Variants in AHNAK observed in about 807,000 individuals in gnomAD.
AHNAK encodes the protein AHNAK nucleoprotein.
AHNAK carries 23 observed loss-of-function variants against 37.8 expected under a neutral mutation model. That is an observed-to-expected ratio of 0.61 (90% CI 0.44 to 0.86). The LOEUF is 0.86. AHNAK is among the 40% of genes least tolerant of loss of function. The probability of loss-of-function intolerance (pLI) is 0.00; values close to 1 mark genes in which losing one functional copy is unlikely to be tolerated. For missense variants in AHNAK, 7,411 were observed against 7,319.4 expected, an observed-to-expected ratio of 1.01 and a Z score of -0.46; for synonymous variants, 2,481 against 2,636.3, an observed-to-expected ratio of 0.94 and a Z score of 1.80.
rs12787585 is a variant in AHNAK at position 62,517,938 on chromosome 11, C to T, written c.16479G>A (p.Gln5493=). The T allele has an allele frequency of 2.5e-6, 4 of 1,614,230 alleles. No homozygotes were observed. The highest frequency in any genetic ancestry group is 1.7e-5 in the Admixed American group (1 of 60,026). The change falls in exon 5 of 5, where the codon CAG becomes CAA. Residue 5493 remains glutamine, a synonymous_variant. Transcript: ENST00000378024. ...ATCCAGAGGACTTAATTCCAGGCAT[C>T]TGGAGGTTTCCTTCTAGGCCTTGAA... ...IGVQGLEGNL[Q]MPGIKSSGCD...
intron 4 of AHNAK, among the ~76,000 whole-genome samples, chr11:62,500,705 C>G (rs1435519506): frequency 6.6e-6 from 1 of 152,182 alleles, no homozygotes; most frequent in Non-Finnish European, 1.5e-5. Flanking sequence ...AGTGAACAAA[C>G]TGGGAGATTT....
rs1940022919 is a variant in AHNAK at position 62,516,532 on chromosome 11, G to C, written c.*212C>G. ...GCAAATACTGTTGACTTTGCACATGGGCTGGACGAACTTGGAACTCTTTAC... is the reference window on the plus strand; with the variant it reads ...GCAAATACTGTTGACTTTGCACATGCGCTGGACGAACTTGGAACTCTTTAC... On this transcript the variant is annotated 3_prime_UTR_variant, in exon 5 of 5. Transcript: ENST00000378024. The C allele has an allele frequency of 2.1e-6, 3 of 1,412,910 alleles. No individual in the cohort carries two copies. The highest frequency in any genetic ancestry group is 2.8e-6 in the Non-Finnish European group (3 of 1,089,512). The allele number at this position is 1,412,910 out of a possible 1,614,324, so 87.5% of individuals were successfully genotyped here.
At chr11:62,443,092 C>T (rs1287017548) in intron 5 of AHNAK, among the ~76,000 whole-genome samples, 1 of 151,248 alleles carries the variant, frequency 6.6e-6, no homozygotes, top group African/African-American at 2.4e-5. Flanking sequence ...CTGCCTCAGC[C>T]TCCCAAGTAG....
chr11:62,530,000 C>CTGT lies in AHNAK; in HGVS notation c.4414_4416dup (p.Thr1472dup). The CTGT allele has an allele frequency of 6.2e-7, 1 of 1,613,982 alleles. No homozygotes were observed. Among genetic ancestry groups the CTGT allele is most frequent in the Non-Finnish European group, 8.5e-7 (1 of 1,179,998 alleles). Reference sequence around the variant, plus strand: ...TTTATCTCTCCTTCTACTTTTGGAACTGTTACATCATAATCTCCTTTCATT... The same window carrying CTGT: ...TTTATCTCTCCTTCTACTTTTGGAACTGTTGTTACATCATAATCTCCTTTCATT... On this transcript the variant is annotated inframe_insertion, in exon 5 of 5. Coordinates refer to ENST00000378024, the MANE Select transcript of AHNAK (RefSeq NM_001620.3).
chr11:62,531,173 T>C lies in AHNAK; in HGVS notation c.3244A>G (p.Lys1082Glu), dbSNP rs1940731046. ...VDLDLKGPKMKGNVDISAPKI... is the reference protein window; with the variant it reads ...VDLDLKGPKMEGNVDISAPKI... ...GGTGCAGAGATATCTACATTTCCTTTCATTTTGGGTCCTTTAAGATCCAGG... is the reference window on the plus strand; with the variant it reads ...GGTGCAGAGATATCTACATTTCCTTCCATTTTGGGTCCTTTAAGATCCAGG... The change falls in exon 5 of 5, where the codon AAA becomes GAA. Residue 1082 changes from lysine to glutamate, a missense_variant. Physicochemically the swap from Lys to Glu is moderately conservative, Grantham distance 56. Coordinates refer to ENST00000378024, the MANE Select transcript of AHNAK (RefSeq NM_001620.3). The C allele has an allele frequency of 1.9e-6, 3 of 1,613,928 alleles. No homozygotes were observed. Among genetic ancestry groups the C allele is most frequent in the Admixed American group, 1.7e-5 (1 of 59,990 alleles).
intron 5 of AHNAK, among the ~76,000 whole-genome samples, chr11:62,463,072 C>A (rs968686518): frequency 7.4e-6 from 1 of 135,836 alleles, no homozygotes; most frequent in Non-Finnish European, 1.5e-5. Context: ...TGCAGTGAGG[C>A]GAGATCGTGC....
Position 62,532,459 on chromosome 11 carries a change from G to C in AHNAK, c.1958C>G (p.Pro653Arg), listed in dbSNP as rs775858125. The C allele has an allele frequency of 6.2e-7, 1 of 1,613,830 alleles. No homozygotes were observed. The highest frequency in any genetic ancestry group is 1.7e-5 in the Admixed American group (1 of 59,972). Residue 653 changes from proline to arginine, a missense_variant, in exon 5 of 5, where the codon CCC becomes CGC. Pro to Arg is a moderately radical substitution (Grantham distance 103). Coordinates refer to ENST00000378024, the MANE Select transcript of AHNAK (RefSeq NM_001620.3). ...CCCTGAAATACTGATATCTCCTTTG[G>C]GTAGAGTCATATGAACATCTGGACC... is the stretch of plus-strand genomic sequence containing the variant. ...GEGPDVHMTL[P>R]KGDISISGPK...
intron 1 of AHNAK, among the ~76,000 whole-genome samples, chr11:62,540,975 C>T (rs1292263597): frequency 6.6e-6 from 1 of 152,266 alleles, no homozygotes; most frequent in Non-Finnish European, 1.5e-5. Context: ...CAGATGGCCT[C>T]TGCCAGGGGT....
In AHNAK at chr11:62,528,718, C is replaced by T; in HGVS notation, c.5699G>A (p.Cys1900Tyr). ...AGGGCCTTTCAACTTTGCATCAGGACACTCCAGCTCAACATCAGGCACCTC... is the reference window on the plus strand; with the variant it reads ...AGGGCCTTTCAACTTTGCATCAGGATACTCCAGCTCAACATCAGGCACCTC... ...GVEVPDVELE[C>Y]PDAKLKGPKF... Residue 1900 changes from cysteine to tyrosine, a missense_variant, in exon 5 of 5, where the codon TGT (cysteine) becomes TAT (tyrosine). Transcript: ENST00000378024. The T allele has an allele frequency of 1.9e-6, 3 of 1,612,030 alleles. No homozygotes were observed. Among genetic ancestry groups the T allele is most frequent in the Non-Finnish European group, 2.5e-6 (3 of 1,179,672 alleles).
chr11:62,511,546 G>T (rs758080912), downstream of AHNAK, among the ~76,000 whole-genome samples: 1 of 152,108 alleles, frequency 6.6e-6, no homozygotes, highest in African/African-American at 2.4e-5. Flanking sequence ...ATGAGCCACC[G>T]CGTCCGGCCC....
rs1265702571 is a variant in AHNAK, at chr11:62,533,354, C to T, written c.1063G>A (p.Glu355Lys). The change falls in exon 5 of 5, where the codon GAA becomes AAA. Residue 355 changes from glutamate to lysine, a missense_variant. Transcript: ENST00000378024. ...PGLTIQAPQLEVSVPSANIEG... is the reference protein window; with the variant it reads ...PGLTIQAPQLKVSVPSANIEG... ...ATATTGGCAGAGGGCACACTGACTT[C>T]CAGCTGAGGGGCTTGGATAGTCAAG... 7.7e-6 allele frequency: 12 copies of T among 1,562,366 alleles called. No individual in the cohort carries two copies. Among genetic ancestry groups the T allele is most frequent in the Non-Finnish European group, 2.6e-6 (3 of 1,156,134 alleles).
Position 62,523,220 on chromosome 11 carries a change from A to T in AHNAK, c.11197T>A (p.Phe3733Ile). 6.2e-7 allele frequency: 1 copy of T among 1,612,670 alleles called. No individual in the cohort carries two copies. The highest frequency in any genetic ancestry group is 8.5e-7 in the Non-Finnish European group (1 of 1,179,618). Residue 3733 changes from phenylalanine to isoleucine, a missense_variant, in exon 5 of 5, where the codon TTT becomes ATT. Coordinates refer to ENST00000378024, the MANE Select transcript of AHNAK (RefSeq NM_001620.3). ...TTCAGGTGCATCTCTGGTATCTTAA[A>T]TTTGGGTCCCTTGAATTTACCCTCT... ...GSEGKFKGPKFKIPEMHLKAP... is the reference protein window; with the variant it reads ...GSEGKFKGPKIKIPEMHLKAP...
At chr11:62,514,332 G>C (rs1259428674), downstream of AHNAK, among the ~76,000 whole-genome samples, 1 of 152,216 alleles carries the variant, frequency 6.6e-6, no homozygotes, top group Non-Finnish European at 1.5e-5. Flanking sequence ...AGGAACAGGA[G>C]ATGGGTTTTG....
At position 62,535,083 on chromosome 11, in the gene AHNAK, G is replaced by C; in HGVS notation, c.262C>G (p.Arg88Gly). Residue 88 changes from arginine (R) to glycine (G), a missense_variant, in exon 4 of 5, where the codon CGC (arginine) becomes GGC (glycine). Transcript: ENST00000378024. ...GGCTCGGGAGAGCGGTCCCCCTTGCGGTGCAGCTTCAGGCCCACCGTGTGG... is the reference window on the plus strand; with the variant it reads ...GGCTCGGGAGAGCGGTCCCCCTTGCCGTGCAGCTTCAGGCCCACCGTGTGG... Reference protein sequence around the residue: ...GHHTVGLKLHRKGDRSPEPGQ... With the variant: ...GHHTVGLKLHGKGDRSPEPGQ... 2 of 1,614,024 alleles carry C rather than the reference G, an allele frequency of 1.2e-6. No individual in the cohort carries two copies. The highest frequency in any genetic ancestry group is 2.2e-5 in the South Asian group (2 of 91,080).
intron 5 of AHNAK, among the ~76,000 whole-genome samples, chr11:62,480,987 C>T (rs1390506439): frequency 2.0e-5 from 3 of 152,070 alleles, no homozygotes; most frequent in African/African-American, 7.2e-5. Flanking sequence ...TGTGAGTAAC[C>T]GATGAAACCC....
Position 62,519,492 on chromosome 11 carries a change from A to T in AHNAK, c.14925T>A (p.Phe4975Leu). The T allele has an allele frequency of 6.2e-7, 1 of 1,613,102 alleles. No individual in the cohort carries two copies. The highest frequency in any genetic ancestry group is 8.5e-7 in the Non-Finnish European group (1 of 1,179,720). ...CCCCAAATCCAAACTTGGGTTTCTT[A>T]AATTTGGGGATTTTAACATCTGGCC... ...IEGPDVKIPK[F>L]KKPKFGFGAK... The change falls in exon 5 of 5, where the codon TTT becomes TTA. Residue 4975 changes from phenylalanine to leucine, a missense_variant. Physicochemically the swap from Phe to Leu is conservative, Grantham distance 22. Coordinates refer to ENST00000378024, the MANE Select transcript of AHNAK (RefSeq NM_001620.3).
rs1415072486 is a variant in AHNAK, at chr11:62,535,985, C to T, written c.114G>A (p.Thr38=). The T allele has an allele frequency of 1.9e-6, 3 of 1,612,756 alleles. No homozygotes were observed. Among genetic ancestry groups the T allele is most frequent in the South Asian group, 1.1e-5 (1 of 90,992 alleles). ...RDDGVFVQEV[T]QNSPAARTGV... Reference sequence around the variant, plus strand: ...CAGTGCGGGCCGCAGGGGAGTTCTGCGTCACCTCCTGCACAAAGACGCCGT... The same window carrying T: ...CAGTGCGGGCCGCAGGGGAGTTCTGTGTCACCTCCTGCACAAAGACGCCGT... The change falls in exon 3 of 5, where the codon ACG becomes ACA. Residue 38 remains threonine (T), a synonymous_variant. Transcript: ENST00000378024.
At chr11:62,459,151 TC>T (rs1938733150) in intron 5 of AHNAK, among the ~76,000 whole-genome samples, 1 of 151,918 alleles carries the variant, frequency 6.6e-6, no homozygotes, top group South Asian at 2.1e-4. Flanking sequence ...GGTAAGAGGG[TC>T]CCCAAAGCAC....
At position 62,523,039 on chromosome 11, in the gene AHNAK, A is replaced by G. The variant is rs1177040836; in HGVS notation, c.11378T>C (p.Val3793Ala). The G allele has an allele frequency of 6.2e-7, 1 of 1,614,024 alleles. No homozygotes were observed. The highest frequency in any genetic ancestry group is 1.7e-5 in the Admixed American group (1 of 60,018). The change falls in exon 5 of 5, where the codon GTT (valine) becomes GCT (alanine). Residue 3793 changes from valine (V) to alanine (A), a missense_variant. Coordinates refer to ENST00000378024, the MANE Select transcript of AHNAK (RefSeq NM_001620.3). ...GPKVDINAPD[V>A]DVQGPDWHLK... ...GTGCCAGTCTGGGCCTTGAACATCA[A>G]CATCTGGAGCATTAATGTCCACTTT... is the stretch of plus-strand genomic sequence containing the variant.
Sources: allele counts gnomAD v4.1 joint callset (sites outside exome capture counted in the v4.1 genomes callset), GRCh38; gene constraint gnomAD v4.1.1; transcripts MANE v1.5; gene names NCBI Gene and HGNC (gene_info 2026-07-23, HGNC 2026-07-21).